Variants in DENND3 observed in about 807,000 individuals in gnomAD.
The protein encoded by DENND3 is DENN domain containing 3, also known as DENN domain-containing protein 3.
In DENND3, 88 loss-of-function variants were observed where a neutral mutation model predicts 135.1. That is an observed-to-expected ratio of 0.65 (90% CI 0.55 to 0.78). DENND3 has a LOEUF of 0.78. Ranked by LOEUF, DENND3 falls within the 30% of genes least tolerant of loss-of-function variation. DENND3 has a pLI of 0.00. For missense variants in DENND3, 1,392 were observed against 1,688.4 expected, an observed-to-expected ratio of 0.82 and a Z score of 3.08; for synonymous variants, 693 against 712.3, an observed-to-expected ratio of 0.97 and a Z score of 0.43.
At chr8:141,187,501 C>T (rs1824049282) in intron 18 of DENND3, among the ~76,000 whole-genome samples, 1 of 152,160 alleles carries the variant, frequency 6.6e-6, no homozygotes, top group South Asian at 2.1e-4. Context: ...GCTGGGATTA[C>T]AGGTGTGAGC....
At position 141,154,056 on chromosome 8, in the gene DENND3, C is replaced by T. The variant is rs1200018530; in HGVS notation, c.1075-1793C>T. ...CTCCCAAAGACGCTGGGCGTTAACACATCCACGGGACCGGCTGTGTGCCTC... is the reference window on the plus strand; with the variant it reads ...CTCCCAAAGACGCTGGGCGTTAACATATCCACGGGACCGGCTGTGTGCCTC... On this transcript the variant is annotated intron_variant, in intron 7 of 22. Transcript: ENST00000519811. The surrounding 1 kb of genome is among the most constrained non-coding windows in gnomAD (Gnocchi z 4.4). Among the ~76,000 whole-genome samples, 1 of 152,230 alleles carries T rather than the reference C, an allele frequency of 6.6e-6. No homozygotes were observed. The highest frequency in any genetic ancestry group is 1.9e-4 in the East Asian group (1 of 5,200).
intron 5 of DENND3, among the ~76,000 whole-genome samples, chr8:141,150,582 T>C (rs1441671976): frequency 2.0e-5 from 3 of 152,272 alleles, no homozygotes; most frequent in Non-Finnish European, 2.9e-5. Context: ...GTTTGCTGAT[T>C]AATTAGAGCT....
chr8:141,144,182 G>T lies in DENND3; in HGVS notation c.658G>T (p.Glu220Ter). Residue 220 changes from glutamate (E) to a stop codon, truncating the protein, a stop_gained, in exon 5 of 23, where the codon GAA becomes TAA. Transcript: ENST00000519811. LOFTEE classifies it high-confidence loss of function. The surrounding 1 kb of genome is among the most constrained non-coding windows in gnomAD (Gnocchi z 4.4). ...TCTTCTGAAGCCCTGTAAAGATTTT[G>T]AAGTGGACAGTCATATAAAAGATTT... is the stretch of plus-strand genomic sequence containing the variant. ...LALLKPCKDF[E>*]VDSHIKDFAA... is the part of the protein sequence containing the mutation. 6.2e-7 allele frequency: 1 copy of T among 1,613,722 alleles called. No individual in the cohort carries two copies. Among genetic ancestry groups the T allele is most frequent in the Non-Finnish European group, 8.5e-7 (1 of 1,179,932 alleles).
rs945895537 is a variant in DENND3, at chr8:141,174,934, C to G, written c.2276-266C>G. ...GTTGCTGTGACTACCTGAAGCAGGT[C>G]CCGTGGCCATCCCAGAGCGGGCGGC... On this transcript the variant is annotated intron_variant, in intron 13 of 22. Transcript: ENST00000519811. This position sits in a 1 kb window ranked among gnomAD's most constrained non-coding sequence, Gnocchi z 4.6. Among the ~76,000 whole-genome samples, 1 of 152,206 alleles carries G rather than the reference C, an allele frequency of 6.6e-6. No homozygotes were observed. The highest frequency in any genetic ancestry group is 1.5e-5 in the Non-Finnish European group (1 of 68,024).
chr8:141,165,742 G>T (rs996204433), intron 11 of DENND3, among the ~76,000 whole-genome samples: 1 of 152,160 alleles, frequency 6.6e-6, no homozygotes, highest in Non-Finnish European at 1.5e-5. Context: ...GGGATTACAG[G>T]CATGAGCCAC....
chr8:141,184,299 G>A (rs1823597143), intron 17 of DENND3, among the ~76,000 whole-genome samples: 1 of 152,102 alleles, frequency 6.6e-6, no homozygotes, highest in South Asian at 2.1e-4. Context: ...GCACCATGGA[G>A]TCAGTTAGGG....
chr8:141,140,935 T>C (rs1817375129), intron 3 of DENND3, among the ~76,000 whole-genome samples: 1 of 152,180 alleles, frequency 6.6e-6, no homozygotes, highest in Non-Finnish European at 1.5e-5. Context: ...GTTCTAATCG[T>C]GTGTTCCTTT....
chr8:141,160,738 A>T lies in DENND3; in HGVS notation c.1303A>T (p.Asn435Tyr). Reference protein sequence around the residue: ...AHRRSWQQKLNCQIQQTTLQL... With the variant: ...AHRRSWQQKLYCQIQQTTLQL... Reference sequence around the variant, plus strand: ...CCGGCGGTCCTGGCAGCAGAAACTCAACTGCCAGATACAGCAGACCACCCT... The same window carrying T: ...CCGGCGGTCCTGGCAGCAGAAACTCTACTGCCAGATACAGCAGACCACCCT... The change falls in exon 9 of 23, where the codon AAC becomes TAC. Residue 435 changes from asparagine (N) to tyrosine (Y), a missense_variant. Transcript: ENST00000519811. The T allele has an allele frequency of 6.2e-7, 1 of 1,612,940 alleles. No homozygotes were observed.
At position 141,146,057 on chromosome 8, in the gene DENND3, C is replaced by T. The variant is rs990718428; in HGVS notation, c.735+1798C>T. Among the ~76,000 whole-genome samples, 1 of 151,884 alleles carries T rather than the reference C, an allele frequency of 6.6e-6. No homozygotes were observed. Among genetic ancestry groups the T allele is most frequent in the African/African-American group, 2.4e-5 (1 of 41,348 alleles). ...AGAGATGGGGTTTCACCTTGTTAGC[C>T]AGGGTGGTCTCGATCTCCTGACCTC... On this transcript the variant is annotated intron_variant, in intron 5 of 22. Coordinates refer to ENST00000519811, the MANE Select transcript of DENND3 (RefSeq NM_001352890.3). This position sits in a 1 kb window ranked among gnomAD's most constrained non-coding sequence, Gnocchi z 4.3.
Position 141,137,626 on chromosome 8 carries a change from T to A in DENND3, c.386-396T>A, listed in dbSNP as rs1012656738. On this transcript the variant is annotated intron_variant, in intron 2 of 22. Coordinates refer to ENST00000519811, the MANE Select transcript of DENND3 (RefSeq NM_001352890.3). The surrounding 1 kb of genome is among the most constrained non-coding windows in gnomAD (Gnocchi z 4.1). Reference sequence around the variant, plus strand: ...CAGGTGAGCTTGCATTTTGGGGCGTTATTTTTCCTGTGGTCTTCAGGAATG... The same window carrying A: ...CAGGTGAGCTTGCATTTTGGGGCGTAATTTTTCCTGTGGTCTTCAGGAATG... Among the ~76,000 whole-genome samples the A allele has an allele frequency of 1.3e-5, 2 of 152,220 alleles. No individual in the cohort carries two copies. The highest frequency in any genetic ancestry group is 2.9e-5 in the Non-Finnish European group (2 of 68,034).
In DENND3 at chr8:141,141,695, A is replaced by G. The variant is rs1817478190; in HGVS notation, c.623+371A>G. ...ATATATTAGGAAAAACTCTTTTCCT[A>G]GCTGAGAATATTAGGAGGCTGCTGT... On this transcript the variant is annotated intron_variant, in intron 4 of 22. Transcript: ENST00000519811. The surrounding 1 kb of genome is among the most constrained non-coding windows in gnomAD (Gnocchi z 5.3). The G allele has an allele frequency of 4.4e-6, 1 of 227,692 alleles. No homozygotes were observed. Among genetic ancestry groups the G allele is most frequent in the African/African-American group, 2.3e-5 (1 of 43,192 alleles). The allele number at this position is 227,692 out of a possible 1,614,324, so 14.1% of individuals were successfully genotyped here. A position where few individuals can be genotyped will look rare whatever the true frequency, so the allele number is the denominator to read the frequency against.
At chr8:141,170,786 C>A (rs1326145715) in intron 13 of DENND3, among the ~76,000 whole-genome samples, 1 of 152,332 alleles carries the variant, frequency 6.6e-6, no homozygotes. Flanking sequence ...CCAGGGCATG[C>A]ATGGAGGCTC....
At chr8:141,145,825 A>ATTTTTTTTTTT (rs1569555451) in intron 5 of DENND3, among the ~76,000 whole-genome samples, 1 of 37,236 alleles carries the variant, frequency 2.7e-5, no homozygotes, top group African/African-American at 1.4e-4. Flanking sequence ...ATATATATAT[A>ATTTTTTTTTTT]TATATATATA....
intron 5 of DENND3, 28 bp from the exon 6 acceptor site, chr8:141,150,806 A>C: frequency 1.9e-6 from 3 of 1,574,858 alleles, no homozygotes; most frequent in Non-Finnish European, 2.6e-6. Flanking sequence ...CAGCTCTCTG[A>C]ACTAATGACG....
chr8:141,133,843 G>A (rs1268380048), intron 1 of DENND3, among the ~76,000 whole-genome samples: 1 of 152,172 alleles, frequency 6.6e-6, no homozygotes, highest in South Asian at 2.1e-4. Flanking sequence ...TTTTGAGACC[G>A]TAAGTTTAAG....
chr8:141,157,565 T>TG (rs1158213048), intron 8 of DENND3: 2 of 985,780 alleles, frequency 2.0e-6, no homozygotes, highest in Non-Finnish European at 1.2e-6. Context: ...AAGCCTGTGA[T>TG]GCAGTCTGGA....
intron 8 of DENND3, chr8:141,157,631 A>G (rs1386287985): frequency 1.0e-6 from 1 of 985,550 alleles, no homozygotes; most frequent in Non-Finnish European, 1.2e-6. Context: ...CATTGGGAGG[A>G]GTGGGAAGGA....
intron 8 of DENND3, among the ~76,000 whole-genome samples, chr8:141,160,266 C>T (rs1420227413): frequency 6.6e-6 from 1 of 151,810 alleles, no homozygotes; most frequent in African/African-American, 2.4e-5. Context: ...ACAACCTCCA[C>T]CTCCCAGGTT....
intron 1 of DENND3, among the ~76,000 whole-genome samples, chr8:141,135,681 G>A (rs1816708400): frequency 6.6e-6 from 1 of 152,216 alleles, no homozygotes; most frequent in Admixed American, 6.5e-5. Context: ...TCTGTACTAG[G>A]AGCTGTATTG....
Sources: gnomAD v4.1 joint callset for allele counts (sites outside exome capture counted in the v4.1 genomes callset) on GRCh38, gnomAD v4.1.1 for gene constraint, Gnocchi (gnomAD v3.1) non-coding constraint, MANE v1.5 for transcripts, NCBI Gene and HGNC (gene_info 2026-07-23, HGNC 2026-07-21) for gene names.